Variants in BICC1 observed in about 807,000 individuals in gnomAD.
BICC1 encodes protein bicaudal C homolog 1.
A neutral mutation model predicts 111.0 loss-of-function variants in BICC1; 43 were observed. The ratio of observed to expected loss-of-function variants is 0.39; its 90% CI spans 0.30 to 0.50. BICC1 has a LOEUF of 0.50. BICC1 is among the 20% of genes least tolerant of loss of function. BICC1 has a pLI of 0.88. For synonymous variants in BICC1, 467 were observed against 434.4 expected (o/e 1.07, Z -0.93); for missense variants, 1,091 against 1,203.2 (o/e 0.91, Z 1.38).
chr10:58,580,483 A>T (rs946965144), intron 1 of BICC1, among the ~76,000 whole-genome samples: 1 of 152,182 alleles, frequency 6.6e-6, no homozygotes, highest in African/African-American at 2.4e-5. Flanking sequence ...TGGGATGCTT[A>T]ACTGGTAAGT....
chr10:58,579,479 C>T (rs538994046), intron 1 of BICC1, among the ~76,000 whole-genome samples: 3 of 152,288 alleles, frequency 2.0e-5, no homozygotes, highest in African/African-American at 7.2e-5. Context: ...TAACAATCCA[C>T]GTGTCACCAT....
At chr10:58,553,855 TA>T (rs571884028) in intron 1 of BICC1, among the ~76,000 whole-genome samples, 6 of 151,204 alleles carry the variant, frequency 4.0e-5, no homozygotes, top group East Asian at 1.9e-4. Flanking sequence ...TACAAAAATG[TA>T]AAAAAAACCA....
chr10:58,583,432 C>T (rs1402343834), intron 1 of BICC1, among the ~76,000 whole-genome samples: 1 of 151,974 alleles, frequency 6.6e-6, no homozygotes, highest in Non-Finnish European at 1.5e-5. Context: ...GTCCTCATAG[C>T]TTAGCTCCCA....
At chr10:58,563,065 G>T (rs775656914) in intron 1 of BICC1, among the ~76,000 whole-genome samples, 1 of 152,138 alleles carries the variant, frequency 6.6e-6, no homozygotes, top group Non-Finnish European at 1.5e-5. Context: ...GTATGGGCTT[G>T]CATGCCTGAG....
chr10:58,607,359 G>T (rs560135333), intron 1 of BICC1, among the ~76,000 whole-genome samples: 1 of 46,674 alleles, frequency 2.1e-5, no homozygotes, highest in Admixed American at 2.6e-4. Flanking sequence ...TCATGCTACT[G>T]TTTTTTCTTT....
intron 1 of BICC1, among the ~76,000 whole-genome samples, chr10:58,552,468 T>A (rs2131919193): frequency 6.6e-6 from 1 of 152,192 alleles, no homozygotes; most frequent in South Asian, 2.1e-4. Flanking sequence ...CCTGAGTAGC[T>A]GGGACTACAG....
At chr10:58,772,371 G>C (rs1426558273) in intron 3 of BICC1, among the ~76,000 whole-genome samples, 1 of 152,002 alleles carries the variant, frequency 6.6e-6, no homozygotes, top group African/African-American at 2.4e-5. Context: ...TTTCTCCTGT[G>C]TCTCTTATAA....
chr10:58,637,092 A>T (rs554889556), intron 2 of BICC1, among the ~76,000 whole-genome samples: 20 of 151,556 alleles, frequency 1.3e-4, no homozygotes, highest in African/African-American at 4.6e-4. Flanking sequence ...TTATTTGGGG[A>T]TACTACTTTC....
intron 1 of BICC1, among the ~76,000 whole-genome samples, chr10:58,522,892 A>G (rs1842430634): frequency 6.6e-6 from 1 of 152,040 alleles, no homozygotes; most frequent in African/African-American, 2.4e-5. Context: ...ATCCCACAGA[A>G]CTACAGACTA....
rs756555876 is a variant in BICC1, at chr10:58,793,584, G to C, written c.1148G>C (p.Ser383Thr). The change falls in exon 9 of 21, where the codon AGT becomes ACT. Residue 383 changes from serine to threonine, a missense_variant. Ser to Thr is a moderately conservative substitution (Grantham distance 58). This residue lies in a region of BICC1 where 843 missense variants were observed against 900.8 expected (regional missense o/e 0.94). Transcript: ENST00000373886. ...ATGGAACAGCTTGATGTCTTCATCA[G>C]TATTAAACCAAAGCCCAAACAGCCA... is the stretch of plus-strand genomic sequence containing the variant. ...QLMEQLDVFI[S>T]IKPKPKQPSK... 109 of 1,613,730 alleles carry C rather than the reference G, an allele frequency of 6.8e-5. No homozygotes were observed. In the Admixed American group the frequency reaches 1.4e-3, roughly 20 times the overall value.
At chr10:58,672,183 T>G (rs1839205300) in intron 2 of BICC1, among the ~76,000 whole-genome samples, 1 of 152,132 alleles carries the variant, frequency 6.6e-6, no homozygotes, top group African/African-American at 2.4e-5. Context: ...TCACCATCCA[T>G]CTCCAGAACT....
rs542262625 is a variant in BICC1 at position 58,578,732 on chromosome 10, C to T, written c.191-42123C>T. ...CGAGAGAGGCACAGGATCTCGTTACCCTATCCCCTCGCCCCTCATCAGAGA... is the reference window on the plus strand; with the variant it reads ...CGAGAGAGGCACAGGATCTCGTTACTCTATCCCCTCGCCCCTCATCAGAGA... On this transcript the variant is annotated intron_variant, in intron 1 of 20. Coordinates refer to ENST00000373886, the MANE Select transcript of BICC1 (RefSeq NM_001080512.3). 1.4e-4 allele frequency among the ~76,000 whole-genome samples: 21 copies of T among 152,124 alleles called. 1 individual carries two copies. In the South Asian group the frequency reaches 4.1e-3, roughly 30 times the overall value.
At chr10:58,653,655 A>G (rs192664399) in intron 2 of BICC1, among the ~76,000 whole-genome samples, 1 of 146,950 alleles carries the variant, frequency 6.8e-6, no homozygotes, top group South Asian at 2.3e-4. Flanking sequence ...GGCAGTGCAC[A>G]TCCTTTTACA....
chr10:58,561,617 G>T (rs1052550486), intron 1 of BICC1, among the ~76,000 whole-genome samples: 13 of 151,886 alleles, frequency 8.6e-5, no homozygotes, highest in Admixed American at 8.5e-4. Flanking sequence ...GTTGTTTTGT[G>T]TATCATTTGT....
chr10:58,804,342 C>CG (rs1843646985), intron 15 of BICC1, among the ~76,000 whole-genome samples: 1 of 151,918 alleles, frequency 6.6e-6, no homozygotes. Flanking sequence ...GTGGCAAAAC[C>CG]CCATCTCTAC....
chr10:58,731,782 C>T (rs922317635), intron 3 of BICC1, among the ~76,000 whole-genome samples: 2 of 151,568 alleles, frequency 1.3e-5, no homozygotes, highest in African/African-American at 4.8e-5. Flanking sequence ...TCAGATCTCT[C>T]AAAAACTCAC....
intron 1 of BICC1, among the ~76,000 whole-genome samples, chr10:58,537,522 A>G (rs565875022): frequency 6.6e-6 from 1 of 151,990 alleles, no homozygotes; most frequent in South Asian, 2.1e-4. Flanking sequence ...ATTCACAGCT[A>G]ACATAATACT....
intron 10 of BICC1, among the ~76,000 whole-genome samples, chr10:58,797,824 C>G (rs1189059483): frequency 6.7e-6 from 1 of 148,580 alleles, no homozygotes; most frequent in Admixed American, 6.7e-5. Flanking sequence ...CAACAACAAC[C>G]AAAAAAAAAC....
chr10:58,757,863 T>C (rs1842188949), intron 3 of BICC1, among the ~76,000 whole-genome samples: 1 of 152,316 alleles, frequency 6.6e-6, no homozygotes, highest in Admixed American at 6.5e-5. Context: ...CATCAAAGGC[T>C]TCTCTTTTTG....
Sources: allele counts gnomAD v4.1 joint callset (sites outside exome capture counted in the v4.1 genomes callset), GRCh38; gene constraint gnomAD v4.1.1; regional missense constraint gnomAD v4.1.1; transcripts MANE v1.5; gene names NCBI Gene and HGNC (gene_info 2026-07-23, HGNC 2026-07-21).